The following CENPO variants were observed in gnomAD, a reference collection of about 807,000 sequenced individuals.
The protein encoded by CENPO is centromeric protein O.
Under a neutral mutation model 36.1 loss-of-function variants are expected in CENPO, and 30 were observed. That is an observed-to-expected ratio of 0.83 (90% confidence interval 0.62 to 1.13). The LOEUF is 1.13. Ranked by LOEUF, CENPO falls within the 50% of genes most tolerant of loss-of-function variation. CENPO has a pLI of 0.00. For synonymous variants in CENPO, 171 were observed against 142.3 expected, an observed-to-expected ratio of 1.20 and a Z score of -1.44; for missense variants, 349 against 357.8, an observed-to-expected ratio of 0.98 and a Z score of 0.20.
chr2:24,821,432 G>A lies in CENPO; in HGVS notation c.*2114G>A. 7.0e-6 allele frequency: 11 copies of A among 1,561,368 alleles called. No homozygotes were observed. Among genetic ancestry groups the A allele is most frequent in the Non-Finnish European group, 9.6e-6 (11 of 1,149,804 alleles). On this transcript the variant is annotated 3_prime_UTR_variant, in exon 8 of 8. Coordinates refer to ENST00000380834, the MANE Select transcript of CENPO (RefSeq NM_001322101.2). Reference sequence around the variant, plus strand: ...CCACCCGAATTGCCTCAGTTGTCCTGAGCCTCATGTCTCTCCTGGTGGTGG... The same window carrying A: ...CCACCCGAATTGCCTCAGTTGTCCTAAGCCTCATGTCTCTCCTGGTGGTGG...
intron 2 of CENPO, 50 bp downstream of exon 2, chr2:24,794,015 G>C (rs370541155): frequency 7.0e-7 from 1 of 1,436,010 alleles, no homozygotes. Context: ...AAGATGACCC[G>C]CAGGCTGAGA....
intron 3 of CENPO, among the ~76,000 whole-genome samples, chr2:24,812,902 G>GTTTTTTT (rs35639594): frequency 2.8e-5 from 3 of 105,670 alleles, no homozygotes; most frequent in African/African-American, 7.1e-5. Flanking sequence ...TATGCCTGTA[G>GTTTTTTT]TTTTTTTTTT....
At chr2:24,816,857 GTTTA>G (rs770941250) in intron 6 of CENPO, 40 bp downstream of exon 6, 12 of 1,528,336 alleles carry the variant, frequency 7.9e-6, no homozygotes, top group Middle Eastern at 3.5e-4. Context: ...TCATATCCCA[GTTTA>G]TTTGAGTGAA....
chr2:24,821,902 A>G lies in CENPO; in HGVS notation c.*2584A>G. 1 of 418,996 alleles carries G rather than the reference A, an allele frequency of 2.4e-6. No individual in the cohort carries two copies. The highest frequency in any genetic ancestry group is 4.0e-5 in the Admixed American group (1 of 25,014). The allele number at this position is 418,996 out of a possible 1,614,324, so 26.0% of individuals were successfully genotyped here. A position where few individuals can be genotyped will look rare whatever the true frequency, so the allele number is the denominator to read the frequency against. On this transcript the variant is annotated 3_prime_UTR_variant, in exon 8 of 8. Coordinates refer to ENST00000380834, the MANE Select transcript of CENPO (RefSeq NM_001322101.2). ...GTCTGACCACGAGGCGGACCCCTTC[A>G]CCTTGGCTGGGCCTGGTCCTGGTCC... is the stretch of plus-strand genomic sequence containing the variant.
At chr2:24,806,604 C>T (rs149764165) in intron 3 of CENPO, among the ~76,000 whole-genome samples, 1 of 152,268 alleles carries the variant, frequency 6.6e-6, no homozygotes, top group East Asian at 1.9e-4. Context: ...GGTAGAATTG[C>T]TGAGTCATAG....
intron 3 of CENPO, among the ~76,000 whole-genome samples, chr2:24,809,688 TA>T (rs1405297391): frequency 2.0e-5 from 3 of 152,210 alleles, no homozygotes; most frequent in Non-Finnish European, 2.9e-5. Context: ...GTGTACCAAT[TA>T]ATTTCCAAAA....
At position 24,820,544 on chromosome 2, in the gene CENPO, G is replaced by C. The variant is rs1239147131; in HGVS notation, c.*1226G>C. The C allele has an allele frequency of 2.5e-5, 35 of 1,405,378 alleles. No individual in the cohort carries two copies. Among genetic ancestry groups the C allele is most frequent in the Non-Finnish European group, 3.3e-5 (35 of 1,071,192 alleles). 87.1% of individuals were successfully genotyped at this position (1,405,378 alleles called of 1,614,324 possible). ...GCCCAGATTTTGTGGATGGGTGGAA[G>C]TGTTTCTTCCTGTGCTGAGGCTAGC... On this transcript the variant is annotated 3_prime_UTR_variant, in exon 8 of 8. Transcript: ENST00000380834.
rs1280703037 is a variant in CENPO at position 24,815,776 on chromosome 2, T to C, written c.594+20T>C. The C allele has an allele frequency of 2.5e-6, 4 of 1,611,256 alleles. No individual in the cohort carries two copies. The highest frequency in any genetic ancestry group is 2.2e-5 in the East Asian group (1 of 44,870). ...CTTCAGGTATCTCTCTGGGATGTTATATGCCTCATCCGTGGGCCCAAGATC... is the reference window on the plus strand; with the variant it reads ...CTTCAGGTATCTCTCTGGGATGTTACATGCCTCATCCGTGGGCCCAAGATC... On this transcript the variant is annotated intron_variant, in intron 5 of 7. Coordinates refer to ENST00000380834, the MANE Select transcript of CENPO (RefSeq NM_001322101.2).
Position 24,799,698 on chromosome 2 carries a change from C to T in CENPO, c.70C>T (p.Leu24=). 1 of 1,613,782 alleles carries T rather than the reference C, an allele frequency of 6.2e-7. No homozygotes were observed. The highest frequency in any genetic ancestry group is 8.5e-7 in the Non-Finnish European group (1 of 1,179,926). Reference sequence around the variant, plus strand: ...AGGTGTTTTAGCTCACTTGGAAAGGCTAGAGACCCAAGTGAGCAGATCCCG... The same window carrying T: ...AGGTGTTTTAGCTCACTTGGAAAGGTTAGAGACCCAAGTGAGCAGATCCCG... ...KGGVLAHLER[L]ETQVSRSRKQ... Residue 24 remains leucine, a synonymous_variant, in exon 3 of 8, where the codon CTA becomes TTA. Transcript: ENST00000380834.
rs1667774410 is a variant in CENPO at position 24,821,862 on chromosome 2, G to A, written c.*2544G>A. ...GCAAAGACTGGGCAATTGAGCAGAG[G>A]AGACGGACCTGTGAGTCTGACCACG... On this transcript the variant is annotated 3_prime_UTR_variant, in exon 8 of 8. Transcript: ENST00000380834. 5.3e-6 allele frequency: 3 copies of A among 562,248 alleles called. No individual in the cohort carries two copies. The African/African-American group carries it at 5.7e-5, about 11-fold the overall frequency. 34.8% of individuals were successfully genotyped at this position (562,248 alleles called of 1,614,324 possible).
At chr2:24,811,723 A>C (rs996429276) in intron 3 of CENPO, among the ~76,000 whole-genome samples, 2 of 152,220 alleles carry the variant, frequency 1.3e-5, no homozygotes, top group African/African-American at 4.8e-5. Flanking sequence ...GGCCTCCTAA[A>C]ATGCTGGGAT....
chr2:24,796,977 CCAGTAGGCCTCGTA>C (rs1665936398), intron 2 of CENPO, among the ~76,000 whole-genome samples: 1 of 152,116 alleles, frequency 6.6e-6, no homozygotes. Context: ...GATCCAGAGG[CCAGTAGGCCTCGTA>C]GGCAGTGTGA....
chr2:24,815,340 G>A (rs181703528), intron 4 of CENPO, among the ~76,000 whole-genome samples, 157 bp from the exon 5 acceptor site: 10 of 152,196 alleles, frequency 6.6e-5, no homozygotes, highest in African/African-American at 2.2e-4. Flanking sequence ...AAAGTGAGCC[G>A]GAGCCAAGGG....
chr2:24,793,494 T>TG lies in CENPO; in HGVS notation c.-74dup, dbSNP rs1558365146. On this transcript the variant is annotated 5_prime_UTR_variant, in exon 1 of 8. It removes the in-frame stop codon of an upstream open reading frame in the 5' UTR. Transcript: ENST00000380834. ...CGTGGATGGCGGGAATTCTCGCTTC[T>TG]GGCCTGGGTGAGCTAGAAGGGAGAA... The TG allele has an allele frequency of 1.9e-6, 3 of 1,599,600 alleles. No individual in the cohort carries two copies. The highest frequency in any genetic ancestry group is 1.7e-6 in the Non-Finnish European group (2 of 1,172,730).
chr2:24,814,353 T>C lies in CENPO; in HGVS notation c.217-23T>C, dbSNP rs748903866. The C allele has an allele frequency of 2.6e-5, 30 of 1,153,808 alleles. No homozygotes were observed. The African/African-American group carries it at 3.9e-4, about 15-fold the overall frequency. The allele number at this position is 1,153,808 out of a possible 1,614,324, so 71.5% of individuals were successfully genotyped here. A position where few individuals can be genotyped will look rare whatever the true frequency, so the allele number is the denominator to read the frequency against. The stretch of plus-strand genomic sequence containing the variant: ...TGTAGTGTACCTCTTTGTACCAAGA[T>C]TGATTTGCTGCATATCTTGCAGGTG... On this transcript the variant is annotated intron_variant, in intron 3 of 7. Coordinates refer to ENST00000380834, the MANE Select transcript of CENPO (RefSeq NM_001322101.2).
chr2:24,809,446 T>C lies in CENPO; in HGVS notation c.217-4930T>C, dbSNP rs562807921. On this transcript the variant is annotated intron_variant, in intron 3 of 7. Coordinates refer to ENST00000380834, the MANE Select transcript of CENPO (RefSeq NM_001322101.2). ...ATTGATATTTTTTAGTCTTCTTTTC[T>C]CTTAAATACATTTAAAGTTAAAAAT... is the stretch of plus-strand genomic sequence containing the variant. Among the ~76,000 whole-genome samples, 11 of 152,302 alleles carry C rather than the reference T, an allele frequency of 7.2e-5. No individual in the cohort carries two copies. The East Asian group carries it at 2.1e-3, about 29-fold the overall frequency.
At position 24,820,563 on chromosome 2, in the gene CENPO, G is replaced by A; in HGVS notation, c.*1245G>A. 7.0e-7 allele frequency: 1 copy of A among 1,426,660 alleles called. No individual in the cohort carries two copies. The highest frequency in any genetic ancestry group is 2.4e-5 in the East Asian group (1 of 41,296). 88.4% of individuals were successfully genotyped at this position (1,426,660 alleles called of 1,614,324 possible). A position where few individuals can be genotyped will look rare whatever the true frequency, so the allele number is the denominator to read the frequency against. ...GTGGAAGTGTTTCTTCCTGTGCTGA[G>A]GCTAGCTATTGCAGAGATTCTTTTC... On this transcript the variant is annotated 3_prime_UTR_variant, in exon 8 of 8. Coordinates refer to ENST00000380834, the MANE Select transcript of CENPO (RefSeq NM_001322101.2).
intron 3 of CENPO, among the ~76,000 whole-genome samples, chr2:24,802,948 T>C (rs1205639777): frequency 2.6e-5 from 4 of 152,114 alleles, no homozygotes; most frequent in Non-Finnish European, 2.9e-5. Context: ...GCTGTGAATC[T>C]ATCTGGTCTT....
intron 3 of CENPO, among the ~76,000 whole-genome samples, chr2:24,810,617 C>T (rs537632336): frequency 3.3e-5 from 5 of 150,098 alleles, no homozygotes; most frequent in South Asian, 4.2e-4. Context: ...AAGCAATTCT[C>T]GTGCCTCAGC....
Sources: gnomAD v4.1 joint callset for allele counts (sites outside exome capture counted in the v4.1 genomes callset) on GRCh38, gnomAD v4.1.1 for gene constraint, MANE v1.5 for transcripts, NCBI Gene and HGNC (gene_info 2026-07-23, HGNC 2026-07-21) for gene names.